SRC: variants seen among roughly 807,000 people sequenced by gnomAD.
The protein encoded by SRC is SRC proto-oncogene, non-receptor tyrosine kinase, also known as proto-oncogene tyrosine-protein kinase Src.
SRC carries 13 observed loss-of-function variants against 62.9 expected under a neutral mutation model. The ratio of observed to expected loss-of-function variants is 0.21; its 90% CI spans 0.13 to 0.33. The LOEUF is 0.33. SRC is among the 10% of genes least tolerant of loss of function. The probability of loss-of-function intolerance (pLI) is 1.00; values close to 1 mark genes in which losing one functional copy is unlikely to be tolerated. For missense variants in SRC, 457 were observed against 737.3 expected, an observed-to-expected ratio of 0.62 and a Z score of 4.40; for synonymous variants, 302 against 317.5, an observed-to-expected ratio of 0.95 and a Z score of 0.52.
Position 37,403,557 on chromosome 20 carries a change from TGAGA to T in SRC, c.*180_*183del. On this transcript the variant is annotated 3_prime_UTR_variant, in exon 14 of 14. Coordinates refer to ENST00000373578, the MANE Select transcript of SRC (RefSeq NM_198291.3). The surrounding 1 kb of genome is among the most constrained non-coding windows in gnomAD (Gnocchi z 7.1). ...AGGGGCTTCTGGACCTAGGGTGGCC[TGAGA>T]GGGCGGTGGGTATGCGAGACCAGCA... The T allele has an allele frequency of 1.4e-6, 1 of 716,826 alleles. No homozygotes were observed. Among genetic ancestry groups the T allele is most frequent in the Non-Finnish European group, 2.3e-6 (1 of 443,574 alleles). The allele number at this position is 716,826 out of a possible 1,614,324, so 44.4% of individuals were successfully genotyped here.
At chr20:37,345,483 G>A (rs1258040480), upstream of SRC, among the ~76,000 whole-genome samples, 6 of 152,180 alleles carry the variant, frequency 3.9e-5, no homozygotes, top group Admixed American at 3.9e-4. Context: ...GGGCTGCCAG[G>A]GATGTTTTGC....
chr20:37,360,515 G>A (rs568652673), intron 1 of SRC, among the ~76,000 whole-genome samples: 29 of 152,198 alleles, frequency 1.9e-4, no homozygotes, highest in Middle Eastern at 6.8e-3. Context: ...GATTACAGGC[G>A]TGAGCCACCA....
At position 37,396,260 on chromosome 20, in the gene SRC, A is replaced by T. The variant is rs1409547366; in HGVS notation, c.652A>T (p.Thr218Ser). 2 of 1,611,852 alleles carry T rather than the reference A, an allele frequency of 1.2e-6. No individual in the cohort carries two copies. The highest frequency in any genetic ancestry group is 4.5e-5 in the East Asian group (2 of 44,788). ...RKLDSGGFYI[T>S]SRTQFNSLQQ... ...GCTGGACAGCGGCGGCTTCTACATC[A>T]CCTCCCGCACCCAGTTCAACAGCCT... The change falls in exon 8 of 14, where the codon ACC becomes TCC. Residue 218 changes from threonine to serine, a missense_variant. Thr to Ser is a moderately conservative substitution (Grantham distance 58, BLOSUM62 1). Transcript: ENST00000373578. The surrounding 1 kb of genome is among the most constrained non-coding windows in gnomAD (Gnocchi z 6.1).
chr20:37,386,030 T>G, intron 4 of SRC, 45 bp from the exon 5 acceptor site: 1 of 1,516,362 alleles, frequency 6.6e-7, no homozygotes, highest in Non-Finnish European at 9.2e-7. Context: ...ATGCCTTCCC[T>G]GGCTGTGGCC....
chr20:37,359,209 T>C (rs1338596809), intron 1 of SRC, among the ~76,000 whole-genome samples: 1 of 152,232 alleles, frequency 6.6e-6, no homozygotes, highest in East Asian at 1.9e-4. Context: ...CTCTTATTCC[T>C]GTGGGGCCCT....
chr20:37,376,865 C>T (rs530194440), intron 2 of SRC, among the ~76,000 whole-genome samples: 6 of 152,296 alleles, frequency 3.9e-5, no homozygotes, highest in East Asian at 1.9e-4. Flanking sequence ...AAGATGTGGG[C>T]GATGAGATCA....
At chr20:37,347,050 C>A (rs2069732956) in intron 1 of SRC, among the ~76,000 whole-genome samples, 1 of 152,254 alleles carries the variant, frequency 6.6e-6, no homozygotes, top group Admixed American at 6.5e-5. Flanking sequence ...GTGGGCCTGG[C>A]TGGAATTGCT....
intron 2 of SRC, among the ~76,000 whole-genome samples, chr20:37,380,239 C>A (rs2070346545): frequency 6.6e-6 from 1 of 152,086 alleles, no homozygotes; most frequent in Admixed American, 6.6e-5. Context: ...CACCCCTCTT[C>A]CAAGGCCATC....
At chr20:37,357,448 C>G (rs569848961) in intron 1 of SRC, among the ~76,000 whole-genome samples, 12 of 152,214 alleles carry the variant, frequency 7.9e-5, no homozygotes, top group Non-Finnish European at 1.3e-4. Context: ...CAGGTACTCA[C>G]TCCATGCTAG....
chr20:37,392,591 G>C (rs1377621655), intron 5 of SRC, among the ~76,000 whole-genome samples: 1 of 152,212 alleles, frequency 6.6e-6, no homozygotes, highest in Non-Finnish European at 1.5e-5. Context: ...GTCAAGCCCT[G>C]CTGCAACCTG....
chr20:37,353,253 G>A (rs1046007160), intron 1 of SRC, among the ~76,000 whole-genome samples: 1 of 151,944 alleles, frequency 6.6e-6, no homozygotes, highest in African/African-American at 2.4e-5. Flanking sequence ...CTCTCTGCTT[G>A]GGCAAATGGA....
Position 37,398,482 on chromosome 20 carries a change from C to T in SRC, c.859+628C>T, listed in dbSNP as rs77715355. On this transcript the variant is annotated intron_variant, in intron 9 of 13. Transcript: ENST00000373578. This position sits in a 1 kb window ranked among gnomAD's most constrained non-coding sequence, Gnocchi z 5.2. ...AAGCCCATGGTGCTAGCGGGGATCA[C>T]GGTGCGCTGTTTTCAAGGTGGTTTC... is the stretch of plus-strand genomic sequence containing the variant. Among the ~76,000 whole-genome samples the T allele has an allele frequency of 0.025, 3,790 of 152,304 alleles. 67 individuals are homozygous for T. Among genetic ancestry groups the T allele is most frequent in the Middle Eastern group, 0.058 (17 of 294 alleles).
chr20:37,358,761 T>C (rs1345847417), intron 1 of SRC, among the ~76,000 whole-genome samples: 2 of 152,210 alleles, frequency 1.3e-5, no homozygotes, highest in Non-Finnish European at 2.9e-5. Context: ...GTGGCCCCCC[T>C]GCTGGGCTTC....
chr20:37,405,530 G>T lies in SRC; in HGVS notation c.*2151G>T. The T allele has an allele frequency of 5.6e-6, 1 of 178,816 alleles. No homozygotes were observed. 11.1% of individuals were successfully genotyped at this position (178,816 alleles called of 1,614,324 possible). On this transcript the variant is annotated 3_prime_UTR_variant, in exon 14 of 14. Coordinates refer to ENST00000373578, the MANE Select transcript of SRC (RefSeq NM_198291.3). ...TTTGGGCAGCACTAGTAGCTGGAGG[G>T]CTTCAGGCCAAGGCAGGGGTGACAT...
intron 2 of SRC, among the ~76,000 whole-genome samples, chr20:37,380,764 G>A (rs752883368): frequency 3.9e-5 from 6 of 152,140 alleles, no homozygotes; most frequent in Admixed American, 6.5e-5. Flanking sequence ...TTTGTTGACC[G>A]TCTTGCGTTG....
intron 5 of SRC, among the ~76,000 whole-genome samples, chr20:37,392,788 C>A (rs1192696232): frequency 6.6e-6 from 1 of 152,144 alleles, no homozygotes; most frequent in African/African-American, 2.4e-5. Flanking sequence ...CGTCCCTGTC[C>A]CCTTGGTTGC....
rs866137991 is a variant in SRC, at chr20:37,356,942, G to T, written c.-246-8262G>T. Among the ~76,000 whole-genome samples the T allele has an allele frequency of 2.0e-5, 3 of 152,184 alleles. No individual in the cohort carries two copies. In the East Asian group the frequency reaches 5.8e-4, roughly 29 times the overall value. ...AGTTTCCCCATCCGCAAAAATGGGG[G>T]TCACACTAGAGCTTCCCTCCTACGG... On this transcript the variant is annotated intron_variant, in intron 1 of 13. Transcript: ENST00000373578.
chr20:37,371,829 G>A (rs890188931), intron 2 of SRC, among the ~76,000 whole-genome samples: 14 of 139,610 alleles, frequency 1.0e-4, no homozygotes, highest in Admixed American at 3.4e-4. Flanking sequence ...AGCCTCCCAA[G>A]TAGCTGGGAT....
At chr20:37,347,907 G>A (rs549309046) in intron 1 of SRC, among the ~76,000 whole-genome samples, 8 of 152,190 alleles carry the variant, frequency 5.3e-5, no homozygotes, top group African/African-American at 1.4e-4. Context: ...GTGGAGGTTC[G>A]CAAGACAGGA....
Sources: allele counts gnomAD v4.1 joint callset (sites outside exome capture counted in the v4.1 genomes callset), GRCh38; gene constraint gnomAD v4.1.1; non-coding constraint Gnocchi (gnomAD v3.1); transcripts MANE v1.5; gene names NCBI Gene and HGNC (gene_info 2026-07-23, HGNC 2026-07-21).